Variants in DBF4B observed in about 807,000 individuals in gnomAD.
The protein encoded by DBF4B is protein DBF4 homolog B.
Under a neutral mutation model 53.4 loss-of-function variants are expected in DBF4B, and 49 were observed. The observed-to-expected ratio is 0.92, with a 90% CI of 0.73 to 1.16. DBF4B has a LOEUF of 1.16. DBF4B is among the 50% of genes most tolerant of loss of function. The pLI, the probability that DBF4B is intolerant of heterozygous loss-of-function variation, is 0.00. For missense variants in DBF4B, 692 were observed against 775.0 expected (o/e 0.89, Z 1.27); for synonymous variants, 257 against 288.7 (o/e 0.89, Z 1.11).
At chr17:44,748,687 C>T (rs1172623046) in intron 13 of DBF4B, 2 of 1,439,002 alleles carry the variant, frequency 1.4e-6, no homozygotes, top group East Asian at 3.2e-5. Flanking sequence ...AGACCTGGCA[C>T]TTTTTGGCCA....
chr17:44,712,016 G>C (rs1475835359), intron 2 of DBF4B, among the ~76,000 whole-genome samples: 1 of 150,334 alleles, frequency 6.7e-6, no homozygotes, highest in African/African-American at 2.4e-5. Context: ...AGAATTGCTT[G>C]AACCCAGGAG....
chr17:44,731,912 G>A (rs1974872706), intron 5 of DBF4B: 3 of 412,082 alleles, frequency 7.3e-6, no homozygotes, highest in Non-Finnish European at 1.3e-5. Context: ...AGAAGCATCT[G>A]TTCCTTCCTG....
intron 2 of DBF4B, among the ~76,000 whole-genome samples, chr17:44,712,414 C>T (rs181116169): frequency 2.2e-4 from 32 of 146,174 alleles, no homozygotes; most frequent in African/African-American, 7.4e-4. Flanking sequence ...AAGCGATTCT[C>T]CTGCCTCAGC....
At chr17:44,725,684 C>CTTCTTCTT (rs777349094) in intron 3 of DBF4B, among the ~76,000 whole-genome samples, 1 of 87,662 alleles carries the variant, frequency 1.1e-5, no homozygotes, top group African/African-American at 4.8e-5. Context: ...TTTTGTGCTT[C>CTTCTTCTT]TTTTTTTTTT....
chr17:44,737,596 G>T (rs1043136744), intron 8 of DBF4B, among the ~76,000 whole-genome samples: 1 of 152,290 alleles, frequency 6.6e-6, no homozygotes, highest in South Asian at 2.1e-4. Context: ...CGTCTTTGGG[G>T]AATTTATGGC....
intron 11 of DBF4B, 81 bp from the exon 12 acceptor site, chr17:44,747,310 C>T: frequency 1.3e-6 from 2 of 1,599,358 alleles, no homozygotes; most frequent in Non-Finnish European, 1.7e-6. Context: ...AGGGCCAGAG[C>T]ATGGGCTGGG....
intron 3 of DBF4B, among the ~76,000 whole-genome samples, chr17:44,725,129 A>AC (rs1420755733): frequency 1.3e-5 from 2 of 151,494 alleles, no homozygotes; most frequent in East Asian, 1.9e-4. Context: ...AAAAAAAAAA[A>AC]AAAAAAAAAA....
rs1019314953 is a variant in DBF4B, at chr17:44,749,195, G to C, written c.1189+730G>C. The C allele has an allele frequency of 3.1e-6, 4 of 1,289,854 alleles. No homozygotes were observed. Among genetic ancestry groups the C allele is most frequent in the Non-Finnish European group, 4.0e-6 (4 of 988,878 alleles). The allele number at this position is 1,289,854 out of a possible 1,614,324, so 79.9% of individuals were successfully genotyped here. ...CTGCCAGCCAGTGCGGGAGCCAGCT[G>C]TTCCCGATGCCTCTGGGCCCCCCAG... On this transcript the variant is annotated intron_variant, in intron 13 of 13. Transcript: ENST00000315005. The surrounding 1 kb of genome is among the most constrained non-coding windows in gnomAD (Gnocchi z 4.4).
At chr17:44,738,258 C>T (rs1163666133) in intron 8 of DBF4B, 121 bp from the exon 9 acceptor site, 3 of 1,106,126 alleles carry the variant, frequency 2.7e-6, no homozygotes, top group East Asian at 4.9e-5. Flanking sequence ...GCATGATTTC[C>T]AGCTCTTGCA....
Position 44,751,521 on chromosome 17 carries a change from C to CCCTGTCTCTTATA in DBF4B, c.*269_*270insCTGTCTCTTATAC. 7.3e-7 allele frequency: 1 copy of CCCTGTCTCTTATA among 1,379,074 alleles called. No individual in the cohort carries two copies. The highest frequency in any genetic ancestry group is 9.3e-7 in the Non-Finnish European group (1 of 1,069,956). The allele number at this position is 1,379,074 out of a possible 1,614,324, so 85.4% of individuals were successfully genotyped here. On this transcript the variant is annotated 3_prime_UTR_variant, in exon 14 of 14. Transcript: ENST00000315005. ...CACTGTCTGTCCCTGGCCCTCCAGCCCACCTCGCCAACCACTCTTGTTGGT... is the reference window on the plus strand; with the variant it reads ...CACTGTCTGTCCCTGGCCCTCCAGCCCCTGTCTCTTATACACCTCGCCAACCACTCTTGTTGGT...
rs767748210 is a variant in DBF4B, at chr17:44,750,750, G to T, written c.1345G>T (p.Ala449Ser). The change falls in exon 14 of 14, where the codon GCC (alanine) becomes TCC (serine). Residue 449 changes from alanine to serine, a missense_variant. Transcript: ENST00000315005. ...GCAGGGCTGCCTCTGTCCCTGCCCA[G>T]CCTCCTTTACCCAGTCTCATCTGGT... ...REQGCLCPCPASFTQSHLVTS... is the reference protein window; with the variant it reads ...REQGCLCPCPSSFTQSHLVTS... 1.9e-6 allele frequency: 3 copies of T among 1,614,044 alleles called. No homozygotes were observed. The highest frequency in any genetic ancestry group is 1.7e-5 in the Admixed American group (1 of 60,010).
At chr17:44,710,723 G>A (rs753793082) in intron 2 of DBF4B, among the ~76,000 whole-genome samples, 30 of 151,650 alleles carry the variant, frequency 2.0e-4, no homozygotes, top group Non-Finnish European at 4.0e-4. Context: ...TCAACACCAC[G>A]CCCAGCTAAT....
At chr17:44,722,094 A>G (rs1042676792) in intron 2 of DBF4B, among the ~76,000 whole-genome samples, 1 of 149,796 alleles carries the variant, frequency 6.7e-6, no homozygotes, top group Non-Finnish European at 1.5e-5. Flanking sequence ...AGATCGCGCC[A>G]TTGCACTCCA....
chr17:44,748,228 G>A, intron 12 of DBF4B, 113 bp from the exon 13 acceptor site: 4 of 1,395,932 alleles, frequency 2.9e-6, no homozygotes, highest in Non-Finnish European at 3.9e-6. Flanking sequence ...AGAGAAGGCA[G>A]CTCTCTCGGC....
intron 9 of DBF4B, 89 bp from the exon 10 acceptor site, chr17:44,741,247 G>T: frequency 1.1e-6 from 1 of 908,136 alleles, no homozygotes; most frequent in Non-Finnish European, 1.8e-6. Flanking sequence ...CACTTTATCA[G>T]GGCTGGAATT....
chr17:44,732,181 A>G lies in DBF4B; in HGVS notation c.472A>G (p.Ser158Gly). The change falls in exon 6 of 14, where the codon AGC becomes GGC. Residue 158 changes from serine (S) to glycine (G), a missense_variant. Physicochemically the swap from Ser to Gly is moderately conservative, Grantham distance 56. Coordinates refer to ENST00000315005, the MANE Select transcript of DBF4B (RefSeq NM_145663.3). ...TGACTCTGTGTTGTAATTTCAGGGG[A>G]GCATCAGTGGAGGAGGCAGTGGGGG... ...LLQKAIRNQGSISGGGSGGSS... is the reference protein window; with the variant it reads ...LLQKAIRNQGGISGGGSGGSS... The G allele has an allele frequency of 6.2e-7, 1 of 1,613,908 alleles. No homozygotes were observed. Among genetic ancestry groups the G allele is most frequent in the Non-Finnish European group, 8.5e-7 (1 of 1,179,946 alleles).
intron 13 of DBF4B, chr17:44,748,701 G>A: frequency 7.1e-7 from 1 of 1,416,472 alleles, no homozygotes. Flanking sequence ...TTGGCCACAA[G>A]CGGAAGGTTC....
chr17:44,736,167 A>T (rs1316039307), intron 7 of DBF4B, among the ~76,000 whole-genome samples: 18 of 140,882 alleles, frequency 1.3e-4, no homozygotes, highest in Admixed American at 3.5e-4. Flanking sequence ...TTTTTTTTTT[A>T]AAGATAGGGT....
chr17:44,710,437 T>C (rs1187038239), intron 2 of DBF4B, among the ~76,000 whole-genome samples: 1 of 152,234 alleles, frequency 6.6e-6, no homozygotes, highest in South Asian at 2.1e-4. Context: ...CTTCAACACA[T>C]TGAAAAATTA....
Sources: allele counts gnomAD v4.1 joint callset (sites outside exome capture counted in the v4.1 genomes callset), GRCh38; gene constraint gnomAD v4.1.1; non-coding constraint Gnocchi (gnomAD v3.1); transcripts MANE v1.5; gene names NCBI Gene and HGNC (gene_info 2026-07-23, HGNC 2026-07-21).